The following KYAT3 variants were observed in gnomAD, a reference collection of about 807,000 sequenced individuals.
KYAT3 encodes kynurenine aminotransferase 3.
A neutral mutation model predicts 59.0 loss-of-function variants in KYAT3; 50 were observed. The ratio of observed to expected loss-of-function variants is 0.85; its 90% CI spans 0.68 to 1.07. The LOEUF (loss-of-function observed/expected upper bound fraction) is 1.07. Among genes scored for constraint, KYAT3 ranks in the 50% least tolerant of loss-of-function variants. KYAT3 has a pLI of 0.00. For synonymous variants in KYAT3, 148 were observed against 177.0 expected, an observed-to-expected ratio of 0.84 and a Z score of 1.30; for missense variants, 497 against 533.3, an observed-to-expected ratio of 0.93 and a Z score of 0.67.
At chr1:88,982,679 C>G (rs139661813) in intron 2 of KYAT3, 175 of 1,612,984 alleles carry the variant, frequency 1.1e-4, no homozygotes, top group Non-Finnish European at 1.4e-4. Flanking sequence ...GCCTCCCCCT[C>G]TATCAGATCG....
At chr1:88,978,721 G>A (rs1395501707) in intron 2 of KYAT3, among the ~76,000 whole-genome samples, 1 of 151,244 alleles carries the variant, frequency 6.6e-6, no homozygotes, top group Non-Finnish European at 1.5e-5. Context: ...ATGTTGCCCA[G>A]GCTGGTCTCA....
chr1:88,987,220 T>C (rs971968040), intron 2 of KYAT3, among the ~76,000 whole-genome samples: 1 of 152,226 alleles, frequency 6.6e-6, no homozygotes, highest in African/African-American at 2.4e-5. Flanking sequence ...AAATGAGGAT[T>C]GTGCACACAA....
At chr1:88,937,704 T>C (rs1374109120) in intron 13 of KYAT3, among the ~76,000 whole-genome samples, 3 of 152,160 alleles carry the variant, frequency 2.0e-5, no homozygotes, top group East Asian at 1.9e-4. Flanking sequence ...TCACTGGTAA[T>C]AGGAATAAAT....
chr1:88,983,909 A>G, intron 2 of KYAT3: 2 of 1,540,672 alleles, frequency 1.3e-6, no homozygotes, highest in South Asian at 2.2e-5. Flanking sequence ...CTAGCAGCTC[A>G]GCACCAGTGG....
At chr1:88,983,322 C>G in intron 2 of KYAT3, 1 of 1,614,124 alleles carries the variant, frequency 6.2e-7, no homozygotes, top group Non-Finnish European at 8.5e-7. Context: ...CGAACTAGTC[C>G]TGAAGGTGCA....
At chr1:88,950,065 T>C (rs772370729) in intron 10 of KYAT3, among the ~76,000 whole-genome samples, 6 of 152,282 alleles carry the variant, frequency 3.9e-5, no homozygotes, top group East Asian at 1.9e-4. Context: ...CCTTCCACCA[T>C]GTAAGGACAC....
At chr1:88,935,646 A>C (rs1675006399), downstream of KYAT3, 1 of 195,910 alleles carries the variant, frequency 5.1e-6, no homozygotes, top group Non-Finnish European at 1.0e-5. Context: ...ATGAAGCAAA[A>C]CTGTGAACAG....
chr1:88,926,740 C>T, the KYAT3 span, among the ~76,000 whole-genome samples: 7 of 152,312 alleles, frequency 4.6e-5, no homozygotes, highest in South Asian at 2.1e-4. Context: ...TCTCCTCAAA[C>T]GTGGGAGCTG....
At chr1:88,929,979 C>A in the KYAT3 span, among the ~76,000 whole-genome samples, 1 of 152,218 alleles carries the variant, frequency 6.6e-6, no homozygotes, top group East Asian at 1.9e-4. Flanking sequence ...GCTTTCCAGG[C>A]CCTAAAGAAG....
chr1:88,936,378 A>T, intron 13 of KYAT3, 133 bp from the exon 14 acceptor site: 1 of 667,496 alleles, frequency 1.5e-6, no homozygotes, highest in East Asian at 2.7e-5. Context: ...TTTCAAAGTG[A>T]AAAAGCAAAA....
intron 6 of KYAT3, 135 bp downstream of exon 6, chr1:88,961,924 A>G (rs1041517890): frequency 2.1e-5 from 14 of 667,388 alleles, no homozygotes; most frequent in Non-Finnish European, 3.2e-5. Context: ...TAAAAAGACA[A>G]CTAGACAAAT....
chr1:88,988,390 T>C (rs1041230515), intron 1 of KYAT3, 39 bp from the exon 2 acceptor site: 3 of 1,200,448 alleles, frequency 2.5e-6, no homozygotes, highest in East Asian at 2.3e-5. Flanking sequence ...GGAATAAATA[T>C]ATGATGGGTA....
At chr1:88,990,784 A>C (rs1022342238) in intron 1 of KYAT3, among the ~76,000 whole-genome samples, 1 of 152,220 alleles carries the variant, frequency 6.6e-6, no homozygotes, top group Non-Finnish European at 1.5e-5. Context: ...GAACCTTTGA[A>C]TCAAGCTAGT....
At chr1:88,967,280 C>T (rs191648947) in intron 4 of KYAT3, among the ~76,000 whole-genome samples, 115 of 152,056 alleles carry the variant, frequency 7.6e-4, no homozygotes, top group South Asian at 5.0e-3. Context: ...ATTAAAAGTT[C>T]AGACAAAACC....
At chr1:88,936,283 T>C (rs755734460) in intron 13 of KYAT3, 38 bp from the exon 14 acceptor site, 5 of 1,363,208 alleles carry the variant, frequency 3.7e-6, no homozygotes, top group Non-Finnish European at 4.2e-6. Context: ...ATTACAGATA[T>C]ACATAAATTC....
At chr1:88,988,613 A>T (rs1423772642) in intron 1 of KYAT3, among the ~76,000 whole-genome samples, 1 of 152,200 alleles carries the variant, frequency 6.6e-6, no homozygotes, top group African/African-American at 2.4e-5. Flanking sequence ...ATTCTTAATT[A>T]AAAAAATAAG....
intron 2 of KYAT3, among the ~76,000 whole-genome samples, chr1:88,971,712 A>ACCAC (rs1676564262): frequency 6.6e-6 from 1 of 152,128 alleles, no homozygotes; most frequent in South Asian, 2.1e-4. Flanking sequence ...CCTGGTCCCC[A>ACCAC]CCACCCTTCC....
chr1:88,932,410 A>G (rs1674927707), downstream of KYAT3, among the ~76,000 whole-genome samples: 1 of 152,158 alleles, frequency 6.6e-6, no homozygotes, highest in Admixed American at 6.5e-5. Context: ...TAGACTATTG[A>G]TAGATTAGAC....
chr1:88,976,797 C>T (rs1053641061), intron 2 of KYAT3, among the ~76,000 whole-genome samples: 2 of 151,592 alleles, frequency 1.3e-5, no homozygotes, highest in South Asian at 2.1e-4. Flanking sequence ...TCTAGGCTAA[C>T]GTATGTGTCT....
Sources: gnomAD v4.1 joint callset for allele counts (sites outside exome capture counted in the v4.1 genomes callset) on GRCh38, gnomAD v4.1.1 for gene constraint, MANE v1.5 for transcripts, NCBI Gene and HGNC (gene_info 2026-07-23, HGNC 2026-07-21) for gene names.